The following CSMD1 variants were observed in gnomAD, a reference collection of about 807,000 sequenced individuals.
CSMD1 encodes the protein CUB and sushi domain-containing protein 1.
In CSMD1, 213 loss-of-function variants were observed where a neutral mutation model predicts 417.5. That is an observed-to-expected ratio of 0.51 (90% CI 0.46 to 0.57). The LOEUF (loss-of-function observed/expected upper bound fraction) is 0.57, where lower values mean the gene tolerates loss of function less well. Among genes scored for constraint, CSMD1 ranks in the 20% least tolerant of loss-of-function variants. CSMD1 has a pLI of 0.00. For missense variants in CSMD1, 6,923 were observed against 4,529.7 expected (o/e 1.53, Z -15.17); for synonymous variants, 2,862 against 1,736.8 (o/e 1.65, Z -16.11).
intron 3 of CSMD1, among the ~76,000 whole-genome samples, chr8:4,122,014 T>C (rs1451108646): frequency 1.3e-5 from 2 of 152,048 alleles, no homozygotes; most frequent in African/African-American, 2.4e-5. Context: ...TTAAGAATAA[T>C]TTTAAATCTA....
At chr8:4,607,326 G>T (rs182179056) in intron 2 of CSMD1, among the ~76,000 whole-genome samples, 2 of 152,252 alleles carry the variant, frequency 1.3e-5, no homozygotes, top group Admixed American at 1.3e-4. Flanking sequence ...GAATGTTAAG[G>T]GTTAGGGAGT....
chr8:4,316,954 C>G (rs1157346299), intron 3 of CSMD1, among the ~76,000 whole-genome samples: 1 of 149,066 alleles, frequency 6.7e-6, no homozygotes, highest in Admixed American at 6.7e-5. Flanking sequence ...ATGTCAGATT[C>G]ATACGAAAAC....
chr8:4,470,456 G>A (rs1177032333), intron 2 of CSMD1, among the ~76,000 whole-genome samples: 2 of 152,192 alleles, frequency 1.3e-5, no homozygotes, highest in Non-Finnish European at 2.9e-5. Context: ...ACAGGTTGGG[G>A]TCATGGTCGG....
At chr8:4,727,709 T>C (rs549726141) in intron 1 of CSMD1, among the ~76,000 whole-genome samples, 5 of 152,176 alleles carry the variant, frequency 3.3e-5, no homozygotes, top group African/African-American at 1.2e-4. Context: ...ATTCCTGTGT[T>C]CTGCCAGTAA....
At chr8:3,219,870 C>G (rs1367543191) in intron 28 of CSMD1, among the ~76,000 whole-genome samples, 2 of 151,978 alleles carry the variant, frequency 1.3e-5, no homozygotes, top group Non-Finnish European at 2.9e-5. Flanking sequence ...GAAAATATTG[C>G]AATTTCAAAA....
At chr8:4,371,842 C>G (rs908007637) in intron 3 of CSMD1, among the ~76,000 whole-genome samples, 1 of 152,264 alleles carries the variant, frequency 6.6e-6, no homozygotes, top group South Asian at 2.1e-4. Flanking sequence ...GTCAAGTAAA[C>G]TGAATTGATC....
In CSMD1 at chr8:4,405,348, TAAGAA is replaced by T. The variant is rs1438029953; in HGVS notation, c.415+14600_415+14604del. Reference sequence around the variant, plus strand: ...CATTTTTTTTTTCTTCTCAATTTCCTAAGAATAGAAATGGTTTAGATTCTGGCACA... The same window carrying T: ...CATTTTTTTTTTCTTCTCAATTTCCTTAGAAATGGTTTAGATTCTGGCACA... On this transcript the variant is annotated intron_variant, in intron 3 of 69. Transcript: ENST00000635120. 3.3e-5 allele frequency among the ~76,000 whole-genome samples: 5 copies of T among 152,186 alleles called. No homozygotes were observed. In the East Asian group the frequency reaches 9.6e-4, roughly 29 times the overall value.
intron 7 of CSMD1, among the ~76,000 whole-genome samples, chr8:3,695,485 C>T (rs534739440): frequency 1.2e-4 from 18 of 152,014 alleles, no homozygotes; most frequent in African/African-American, 2.9e-4. Context: ...CTGGCTTTAC[C>T]TTATGATAAT....
Position 4,123,475 on chromosome 8 carries a change from A to G in CSMD1, c.416-91376T>C, listed in dbSNP as rs140219461. 3.4e-4 allele frequency among the ~76,000 whole-genome samples: 52 copies of G among 152,352 alleles called. No individual in the cohort carries two copies. The East Asian group carries it at 8.3e-3, about 24-fold the overall frequency. On this transcript the variant is annotated intron_variant, in intron 3 of 69. Coordinates refer to ENST00000635120, the MANE Select transcript of CSMD1 (RefSeq NM_033225.6). Reference sequence around the variant, plus strand: ...TAAATATCATTATTGTGGGTAAATCAGTGCAGTTGAATTGCTTTTAGAAGA... The same window carrying G: ...TAAATATCATTATTGTGGGTAAATCGGTGCAGTTGAATTGCTTTTAGAAGA...
chr8:4,920,932 G>T (rs867869880), intron 1 of CSMD1, among the ~76,000 whole-genome samples: 2 of 27,106 alleles, frequency 7.4e-5, no homozygotes, highest in African/African-American at 1.1e-4. Context: ...AAAAGAAAGA[G>T]AGAAAGAAAG....
chr8:3,213,637 T>C (rs1371735283), intron 30 of CSMD1, among the ~76,000 whole-genome samples: 2 of 151,800 alleles, frequency 1.3e-5, no homozygotes, highest in African/African-American at 2.4e-5. Context: ...TATTAGTTTT[T>C]TCTCTCTATA....
At chr8:3,687,663 C>G (rs529543151) in intron 7 of CSMD1, among the ~76,000 whole-genome samples, 12 of 152,194 alleles carry the variant, frequency 7.9e-5, no homozygotes, top group Non-Finnish European at 1.3e-4. Flanking sequence ...GTGGCGCACG[C>G]TAGGACCGAG....
At chr8:4,243,441 G>A (rs900334609) in intron 3 of CSMD1, among the ~76,000 whole-genome samples, 2 of 152,094 alleles carry the variant, frequency 1.3e-5, no homozygotes, top group African/African-American at 4.8e-5. Context: ...CCCTGTAACT[G>A]ACACTCTTCC....
At chr8:4,405,258 G>C (rs547099832) in intron 3 of CSMD1, among the ~76,000 whole-genome samples, 1 of 152,030 alleles carries the variant, frequency 6.6e-6, no homozygotes, top group South Asian at 2.1e-4. Flanking sequence ...TTGGAAAAGA[G>C]AAGTCAAAAA....
chr8:4,668,524 A>C (rs1355075719), intron 1 of CSMD1, among the ~76,000 whole-genome samples: 1 of 150,816 alleles, frequency 6.6e-6, no homozygotes, highest in East Asian at 1.9e-4. Flanking sequence ...ATCTCAGCTC[A>C]CTGCAAGCTC....
chr8:2,952,920 C>G (rs1453529522), intron 65 of CSMD1, among the ~76,000 whole-genome samples: 1 of 152,052 alleles, frequency 6.6e-6, no homozygotes, highest in South Asian at 2.1e-4. Flanking sequence ...TTGCTGGCAG[C>G]CCGCAGTACA....
intron 8 of CSMD1, among the ~76,000 whole-genome samples, chr8:3,596,772 ACACAAACACACACACT>A (rs953668406): frequency 1.3e-5 from 2 of 150,304 alleles, no homozygotes; most frequent in Admixed American, 1.3e-4. Flanking sequence ...TTCAGGGCAC[ACACAAACACACACACT>A]CACACACACA....
At chr8:4,740,153 T>C (rs533492726) in intron 1 of CSMD1, among the ~76,000 whole-genome samples, 1 of 152,118 alleles carries the variant, frequency 6.6e-6, no homozygotes, top group African/African-American at 2.4e-5. Flanking sequence ...GGGATGACTG[T>C]GCAATGAGAG....
At chr8:4,696,887 A>G (rs1226192054) in intron 1 of CSMD1, among the ~76,000 whole-genome samples, 1 of 152,210 alleles carries the variant, frequency 6.6e-6, no homozygotes, top group East Asian at 1.9e-4. Context: ...AATTCAAAAA[A>G]TCAGGGCCAG....
Sources: gnomAD v4.1 joint callset for allele counts (sites outside exome capture counted in the v4.1 genomes callset) on GRCh38, gnomAD v4.1.1 for gene constraint, MANE v1.5 for transcripts, NCBI Gene and HGNC (gene_info 2026-07-23, HGNC 2026-07-21) for gene names.